The following CFAP74 variants were observed in gnomAD, a reference collection of about 807,000 sequenced individuals.
CFAP74 encodes cilia- and flagella-associated protein 74.
In CFAP74, 124 loss-of-function variants were observed where a neutral mutation model predicts 188.9. The ratio of observed to expected loss-of-function variants is 0.66; its 90% CI spans 0.57 to 0.76. CFAP74 has a LOEUF of 0.76. Ranked by LOEUF, CFAP74 falls within the 30% of genes least tolerant of loss-of-function variation. CFAP74 has a pLI of 0.00. For missense variants in CFAP74, 2,198 were observed against 2,165.2 expected (o/e 1.02, Z -0.30); for synonymous variants, 956 against 916.7 (o/e 1.04, Z -0.77).
intron 15 of CFAP74, 151 bp from the exon 16 acceptor site, chr1:1,959,360 TG>T (rs1654903185): frequency 4.4e-6 from 2 of 454,774 alleles, no homozygotes; most frequent in African/African-American, 5.0e-5. Flanking sequence ...CACCCCCACC[TG>T]GGGTCCAAGC....
chr1:1,944,364 C>G lies in CFAP74; in HGVS notation c.2453G>C (p.Arg818Pro). The G allele has an allele frequency of 7.8e-6, 12 of 1,535,992 alleles. No homozygotes were observed. Among genetic ancestry groups the G allele is most frequent in the Non-Finnish European group, 8.7e-6 (10 of 1,146,886 alleles). ...SVDLKICMYD[R>P]LYQDSVLVHT... ...CACGAGCACAGAGTCCTGGTAGAGC[C>G]GGTCATACATGCAGATCTTCAGGTC... The change falls in exon 21 of 39, where the codon CGG becomes CCG. Residue 818 changes from arginine (R) to proline (P), a missense_variant. By Grantham distance (103) the Arg-to-Pro change is moderately radical. Coordinates refer to ENST00000682832, the MANE Select transcript of CFAP74 (RefSeq NM_001304360.2).
At chr1:1,998,105 T>C (rs1658010496) in intron 1 of CFAP74, among the ~76,000 whole-genome samples, 1 of 152,016 alleles carries the variant, frequency 6.6e-6, no homozygotes, top group Non-Finnish European at 1.5e-5. Flanking sequence ...TGGTAAAACC[T>C]CATCTCTACT....
chr1:1,932,098 A>AAC (rs1557993367), intron 25 of CFAP74, among the ~76,000 whole-genome samples: 27 of 123,404 alleles, frequency 2.2e-4, no homozygotes, highest in African/African-American at 7.4e-4. Context: ...AAAAAACAAA[A>AAC]AACTTAGAAA....
At chr1:1,944,038 T>C (rs1653571853) in intron 21 of CFAP74, among the ~76,000 whole-genome samples, 1 of 152,182 alleles carries the variant, frequency 6.6e-6, no homozygotes, top group Non-Finnish European at 1.5e-5. Context: ...CAGATGATCC[T>C]GGATCACCCC....
In CFAP74 at chr1:1,974,068, C is replaced by G; in HGVS notation, c.631G>C (p.Glu211Gln). Residue 211 changes from glutamate (E) to glutamine (Q), a missense_variant, in exon 7 of 39, where the codon GAG becomes CAG. Glu to Gln is a conservative substitution (Grantham distance 29). Coordinates refer to ENST00000682832, the MANE Select transcript of CFAP74 (RefSeq NM_001304360.2). The stretch of plus-strand genomic sequence containing the variant: ...TTCCGCTCCACCTTCCCCAGGGCCT[C>G]CTGCTCTCTGCAGAGCTGCTCGGCT... The part of the protein sequence containing the change: ...RAAEQLCREQ[E>Q]ALGKVERNRL... 1.2e-6 allele frequency: 2 copies of G among 1,606,582 alleles called. No individual in the cohort carries two copies. Among genetic ancestry groups the G allele is most frequent in the South Asian group, 2.2e-5 (2 of 90,370 alleles).
chr1:1,929,870 G>A (rs562346817), intron 26 of CFAP74, among the ~76,000 whole-genome samples, 190 bp downstream of exon 26: 1 of 152,162 alleles, frequency 6.6e-6, no homozygotes, highest in East Asian at 1.9e-4. Context: ...GGGTGGCCTT[G>A]GGCCCCCATG....
In CFAP74 at chr1:1,968,037, T is replaced by TGAGTGAGC. The variant is rs1655602737; in HGVS notation, c.1245+597_1245+598insGCTCACTC. ...GTGAATGAATGAGTGAATGAGTGAA[T>TGAGTGAGC]GAATAAGTGTATCAGTGAGTGAGTG... is the stretch of plus-strand genomic sequence containing the variant. On this transcript the variant is annotated intron_variant, in intron 11 of 38. Transcript: ENST00000682832. The surrounding 1 kb of genome is among the most constrained non-coding windows in gnomAD (Gnocchi z 4.3). Among the ~76,000 whole-genome samples the TGAGTGAGC allele has an allele frequency of 6.6e-6, 1 of 151,884 alleles. No individual in the cohort carries two copies. The highest frequency in any genetic ancestry group is 1.5e-5 in the Non-Finnish European group (1 of 67,956).
In CFAP74 at chr1:1,924,602, TG is replaced by T. The variant is rs1367454008; in HGVS notation, c.4105-83del. ...CTGTCGTCGGTGCCCAGGACTTGGC[TG>T]GTGCTATGAGGCCACACCCAAGTGG... On this transcript the variant is annotated intron_variant, in intron 33 of 38. Transcript: ENST00000682832. 3 of 1,482,070 alleles carry T rather than the reference TG, an allele frequency of 2.0e-6. No homozygotes were observed. In the African/African-American group the frequency reaches 4.2e-5, roughly 21 times the overall value. 91.8% of individuals were successfully genotyped at this position (1,482,070 alleles called of 1,614,324 possible).
intron 34 of CFAP74, 76 bp from the exon 35 acceptor site, chr1:1,924,005 A>G (rs976265667): frequency 1.3e-6 from 2 of 1,485,708 alleles, no homozygotes; most frequent in Non-Finnish European, 1.8e-6. Flanking sequence ...TGCTGCATAG[A>G]GCTCTACACC....
intron 1 of CFAP74, among the ~76,000 whole-genome samples, chr1:1,993,346 G>A (rs58504758): frequency 0.51 from 76,786 of 151,258 alleles, 21,487 homozygotes; most frequent in African/African-American, 0.76. Context: ...GTGCAGTGGT[G>A]CGATCACAGC....
chr1:1,971,345 A>G (rs1028445863), intron 9 of CFAP74, among the ~76,000 whole-genome samples: 2 of 150,020 alleles, frequency 1.3e-5, no homozygotes, highest in Admixed American at 6.6e-5. Context: ...ACACACGTGC[A>G]CACACATGCA....
chr1:1,965,031 C>A lies in CFAP74; in HGVS notation c.1432G>T (p.Val478Leu). ...TCCTTGTCCATCTTTGTCCCGCCCACGGGCTTTCGGTCCACGTCCTCCTTG... is the reference window on the plus strand; with the variant it reads ...TCCTTGTCCATCTTTGTCCCGCCCAAGGGCTTTCGGTCCACGTCCTCCTTG... The part of the protein sequence containing the change: ...VPKEDVDRKP[V>L]GGTKMDKDIL... The change falls in exon 13 of 39, where the codon GTG (valine) becomes TTG (leucine). Residue 478 changes from valine (V) to leucine (L), a missense_variant. Transcript: ENST00000682832. 1 of 1,613,626 alleles carries A rather than the reference C, an allele frequency of 6.2e-7. No individual in the cohort carries two copies. Among genetic ancestry groups the A allele is most frequent in the East Asian group, 2.2e-5 (1 of 44,856 alleles).
chr1:1,992,695 C>G (rs188164647), intron 1 of CFAP74, among the ~76,000 whole-genome samples: 5 of 151,594 alleles, frequency 3.3e-5, no homozygotes, highest in African/African-American at 1.2e-4. Flanking sequence ...AGGATGGTCT[C>G]GATCTCCTGA....
chr1:1,967,985 T>G lies in CFAP74; in HGVS notation c.1245+650A>C, dbSNP rs565505207. On this transcript the variant is annotated intron_variant, in intron 11 of 38. Coordinates refer to ENST00000682832, the MANE Select transcript of CFAP74 (RefSeq NM_001304360.2). ...AGTGAATGAGTGAATGAGTAAAGAA[T>G]GAATGAGTGAATGAGTGAGCGAATG... is the stretch of plus-strand genomic sequence containing the variant. 2.0e-5 allele frequency among the ~76,000 whole-genome samples: 3 copies of G among 147,502 alleles called. No individual in the cohort carries two copies. In the East Asian group the frequency reaches 7.1e-4, roughly 35 times the overall value.
At position 1,976,939 on chromosome 1, in the gene CFAP74, G is replaced by A. The variant is rs1024433449; in HGVS notation, c.501-2741C>T. 9.9e-5 allele frequency among the ~76,000 whole-genome samples: 15 copies of A among 151,868 alleles called. 1 individual carries two copies. In the South Asian group the frequency reaches 1.0e-3, roughly 10 times the overall value. On this transcript the variant is annotated intron_variant, in intron 6 of 38. Transcript: ENST00000682832. ...CAGCTCACTGCAAGCTCCGCCTCCC[G>A]AGTTCACGCCATTCTCCTGCCTCAG... is the stretch of plus-strand genomic sequence containing the variant.
Position 1,960,102 on chromosome 1 carries a change from C to T in CFAP74, c.1695-72G>A, listed in dbSNP as rs567101796. 2.1e-4 allele frequency: 287 copies of T among 1,352,984 alleles called. No individual in the cohort carries two copies. In the East Asian group the frequency reaches 7.1e-3, roughly 34 times the overall value. The allele number at this position is 1,352,984 out of a possible 1,614,324, so 83.8% of individuals were successfully genotyped here. A position where few individuals can be genotyped will look rare whatever the true frequency, so the allele number is the denominator to read the frequency against. On this transcript the variant is annotated intron_variant, in intron 14 of 38. Transcript: ENST00000682832. The stretch of plus-strand genomic sequence containing the variant: ...CAGACGCTCGCCTCACCACCCAGAG[C>T]ACAGTCAGGCTGGGCCTCCTGGCCT...
At chr1:1,938,798 G>GC (rs1014688731) in intron 25 of CFAP74, 57 bp downstream of exon 25, 2 of 1,514,468 alleles carry the variant, frequency 1.3e-6, no homozygotes, top group Non-Finnish European at 1.8e-6. Flanking sequence ...GGGAAGGGGG[G>GC]CCCCTCCTGA....
chr1:1,922,679 C>T lies in CFAP74; in HGVS notation c.4728G>A (p.Lys1576=). The T allele has an allele frequency of 6.2e-7, 1 of 1,601,766 alleles. No individual in the cohort carries two copies. The highest frequency in any genetic ancestry group is 1.7e-5 in the Admixed American group (1 of 59,616). The change falls in exon 38 of 39, where the codon AAG becomes AAA. Residue 1576 remains lysine (K), a synonymous_variant. Transcript: ENST00000682832. ...CCCTGGAGGGCTCAATAGAGAAACC[C>T]TTGTGCTGCAGGGATGCGACGCTGT... ...SIDSVASLQH[K]GFSIEPSRGS...
intron 24 of CFAP74, 74 bp from the exon 25 acceptor site, chr1:1,939,062 TGTGAGA>T (rs1367162178): frequency 4.9e-6 from 7 of 1,437,484 alleles, no homozygotes; most frequent in East Asian, 2.5e-5. Flanking sequence ...GGGCCGTGAG[TGTGAGA>T]GTAAGAGATG....
Sources: gnomAD v4.1 joint callset for allele counts (sites outside exome capture counted in the v4.1 genomes callset) on GRCh38, gnomAD v4.1.1 for gene constraint, Gnocchi (gnomAD v3.1) non-coding constraint, MANE v1.5 for transcripts, NCBI Gene and HGNC (gene_info 2026-07-23, HGNC 2026-07-21) for gene names.